Variants in ROBO2 observed in about 807,000 individuals in gnomAD.
The protein encoded by ROBO2 is roundabout guidance receptor 2.
In ROBO2, 53 loss-of-function variants were observed where a neutral mutation model predicts 160.8. That is an observed-to-expected ratio of 0.33 (90% confidence interval 0.26 to 0.41). ROBO2 has a LOEUF of 0.41. Ranked by LOEUF, ROBO2 falls within the 10% of genes least tolerant of loss-of-function variation. The pLI is 1.00. For synonymous variants in ROBO2, 664 were observed against 611.7 expected (o/e 1.09, Z -1.26); for missense variants, 1,577 against 1,722.4 (o/e 0.92, Z 1.49).
intron 5 of ROBO2, among the ~76,000 whole-genome samples, chr3:77,497,158 T>A (rs899470749): frequency 5.3e-5 from 8 of 152,096 alleles, no homozygotes. Flanking sequence ...GTTAATTCCT[T>A]GCAGAGACTT....
intron 2 of ROBO2, among the ~76,000 whole-genome samples, chr3:76,119,343 A>G (rs1163073078): frequency 2.7e-5 from 4 of 149,466 alleles, no homozygotes; most frequent in Non-Finnish European, 5.9e-5. Flanking sequence ...CACTGTGAAT[A>G]ACTTTCGTAA....
chr3:76,333,618 T>C (rs531301376), intron 2 of ROBO2, among the ~76,000 whole-genome samples: 250 of 152,328 alleles, frequency 1.6e-3, no homozygotes, highest in South Asian at 0.011. Flanking sequence ...ATGGCACTTT[T>C]GTTCTTCAGG....
chr3:77,311,543 G>A (rs2063541717), intron 2 of ROBO2, among the ~76,000 whole-genome samples: 1 of 152,156 alleles, frequency 6.6e-6, no homozygotes, highest in Non-Finnish European at 1.5e-5. Context: ...TGAAACCACT[G>A]GGTCAGTGAT....
Position 77,630,410 on chromosome 3 carries a change from G to C in ROBO2, c.3761-4460G>C, listed in dbSNP as rs1389178697. 6 of 152,274 alleles carry C rather than the reference G, an allele frequency of 3.9e-5. No individual in the cohort carries two copies. In the South Asian group the frequency reaches 8.3e-4, roughly 21 times the overall value. 9.4% of individuals were successfully genotyped at this position (152,274 alleles called of 1,614,324 possible). ...GAGAGAGAGCAGGGGAAATGCCAGA[G>C]ATTTATCGAACAACCAGTTCTCATG... is the stretch of plus-strand genomic sequence containing the variant. On this transcript the variant is annotated intron_variant, in intron 23 of 25. Coordinates refer to ENST00000461745, the Ensembl canonical transcript of ROBO2.
intron 2 of ROBO2, among the ~76,000 whole-genome samples, chr3:77,331,105 T>C (rs1321364807): frequency 6.6e-6 from 1 of 152,238 alleles, no homozygotes; most frequent in East Asian, 1.9e-4. Context: ...TTCTCCAATC[T>C]AGATTTCAAA....
chr3:77,540,008 T>C (rs562572614), intron 6 of ROBO2, among the ~76,000 whole-genome samples: 2 of 152,294 alleles, frequency 1.3e-5, no homozygotes, highest in Middle Eastern at 3.4e-3. Flanking sequence ...AGTGTCAGGA[T>C]TGGAAAATCT....
intron 4 of ROBO2, among the ~76,000 whole-genome samples, chr3:77,486,007 C>A (rs1294472467): frequency 6.6e-6 from 1 of 152,150 alleles, no homozygotes; most frequent in Non-Finnish European, 1.5e-5. Flanking sequence ...GTTCAGCTCC[C>A]ACTTATAAGT....
intron 13 of ROBO2, among the ~76,000 whole-genome samples, chr3:77,573,974 A>T (rs2093700247): frequency 6.6e-6 from 1 of 151,826 alleles, no homozygotes; most frequent in Non-Finnish European, 1.5e-5. Context: ...TTCATTGTCC[A>T]TTTTATCCCC....
chr3:76,244,571 T>G (rs1268534707), intron 2 of ROBO2, among the ~76,000 whole-genome samples: 1 of 152,182 alleles, frequency 6.6e-6, no homozygotes, highest in Non-Finnish European at 1.5e-5. Context: ...CAAACTGCTA[T>G]TTTGCTTGAG....
At chr3:76,268,267 AAGGGG>A (rs1052004313) in intron 2 of ROBO2, among the ~76,000 whole-genome samples, 11 of 151,252 alleles carry the variant, frequency 7.3e-5, no homozygotes, top group Non-Finnish European at 1.0e-4. Context: ...AAAGAAAGCG[AAGGGG>A]AGGGGAGGGG....
chr3:76,847,838 A>G (rs897346254), intron 2 of ROBO2, among the ~76,000 whole-genome samples: 1 of 152,138 alleles, frequency 6.6e-6, no homozygotes, highest in Admixed American at 6.6e-5. Flanking sequence ...ATTTCTTAGC[A>G]AGAATTGTAA....
chr3:77,414,523 G>C (rs1261482260), intron 2 of ROBO2, among the ~76,000 whole-genome samples: 1 of 152,180 alleles, frequency 6.6e-6, no homozygotes, highest in African/African-American at 2.4e-5. Context: ...AGTTAAGTTA[G>C]AAAAATTAAT....
chr3:76,843,256 A>T (rs1166953), intron 2 of ROBO2, among the ~76,000 whole-genome samples: 15,512 of 150,514 alleles, frequency 0.1, 871 homozygotes, highest in South Asian at 0.12. Flanking sequence ...TAATATCATA[A>T]ATCATATGAA....
chr3:77,231,730 G>A (rs2151289983), intron 2 of ROBO2, among the ~76,000 whole-genome samples: 1 of 152,250 alleles, frequency 6.6e-6, no homozygotes, highest in South Asian at 2.1e-4. Context: ...CTTCTCTGGA[G>A]TGTTATTTTG....
intron 2 of ROBO2, among the ~76,000 whole-genome samples, chr3:76,916,687 T>C (rs556354364): frequency 5.3e-5 from 8 of 152,118 alleles, no homozygotes; most frequent in African/African-American, 1.9e-4. Flanking sequence ...TTGACGTTTA[T>C]ATATGAATTA....
At chr3:77,562,117 A>AG (rs910958369) in intron 9 of ROBO2, among the ~76,000 whole-genome samples, 3 of 152,078 alleles carry the variant, frequency 2.0e-5, no homozygotes, top group African/African-American at 7.2e-5. Flanking sequence ...GTAAAAAAAA[A>AG]GTTCTTTTTC....
chr3:77,487,012 C>G (rs753631286), intron 4 of ROBO2, among the ~76,000 whole-genome samples: 8 of 152,124 alleles, frequency 5.3e-5, no homozygotes, highest in Non-Finnish European at 5.9e-5. Context: ...AGATTGAGAA[C>G]TAACCATTTT....
chr3:76,139,862 G>C (rs2071565901), intron 2 of ROBO2, among the ~76,000 whole-genome samples: 3 of 152,038 alleles, frequency 2.0e-5, no homozygotes, highest in Non-Finnish European at 4.4e-5. Flanking sequence ...TAATGGGAAT[G>C]GCCATATTCT....
chr3:76,295,043 G>A (rs1217621015), intron 2 of ROBO2, among the ~76,000 whole-genome samples: 1 of 152,094 alleles, frequency 6.6e-6, no homozygotes, highest in Non-Finnish European at 1.5e-5. Context: ...ATGGGGAGAT[G>A]TTCTGTCAAT....
Sources: gnomAD v4.1 joint callset for allele counts (sites outside exome capture counted in the v4.1 genomes callset) on GRCh38, gnomAD v4.1.1 for gene constraint, MANE v1.5 for transcripts, NCBI Gene and HGNC (gene_info 2026-07-23, HGNC 2026-07-21) for gene names.